STXBP5L: variants seen among roughly 807,000 people sequenced by gnomAD.
The protein encoded by STXBP5L is syntaxin binding protein 5L, also known as syntaxin-binding protein 5-like.
A neutral mutation model predicts 144.5 loss-of-function variants in STXBP5L; 65 were observed. That is an observed-to-expected ratio of 0.45 (90% CI 0.37 to 0.55). The LOEUF (loss-of-function observed/expected upper bound fraction) is 0.55, where lower values mean the gene tolerates loss of function less well. Ranked by LOEUF, STXBP5L falls within the 20% of genes least tolerant of loss-of-function variation. The pLI is 0.00. For synonymous variants in STXBP5L, 505 were observed against 469.6 expected (o/e 1.08, Z -0.97); for missense variants, 1,298 against 1,405.5 (o/e 0.92, Z 1.22).
chr3:121,264,563 A>G (rs9850244), intron 18 of STXBP5L, among the ~76,000 whole-genome samples: 15,108 of 152,210 alleles, frequency 0.099, 1,184 homozygotes, highest in Admixed American at 0.2. Context: ...AGAAACTGCC[A>G]TCAACTAACA....
chr3:121,259,353 C>A (rs1291017531), intron 18 of STXBP5L, among the ~76,000 whole-genome samples, 185 bp downstream of exon 18: 1 of 151,954 alleles, frequency 6.6e-6, no homozygotes, highest in East Asian at 1.9e-4. Flanking sequence ...TGAAGTCAAA[C>A]CTGTGATAGT....
At chr3:121,276,184 T>TTGTG (rs2050879941) in intron 18 of STXBP5L, among the ~76,000 whole-genome samples, 2 of 151,726 alleles carry the variant, frequency 1.3e-5, no homozygotes, top group Non-Finnish European at 3.0e-5. Context: ...TTTTAGTTTT[T>TTGTG]TGTTCTCAGG....
intron 3 of STXBP5L, among the ~76,000 whole-genome samples, chr3:121,000,203 A>T (rs1943660044): frequency 6.6e-6 from 1 of 152,194 alleles, no homozygotes; most frequent in Non-Finnish European, 1.5e-5. Flanking sequence ...TCAAATATGT[A>T]TTACAAGTTG....
At chr3:121,384,422 C>G (rs74931129) in intron 22 of STXBP5L, among the ~76,000 whole-genome samples, 2 of 151,804 alleles carry the variant, frequency 1.3e-5, no homozygotes, top group African/African-American at 2.4e-5. Flanking sequence ...TCAGCATTTT[C>G]GAAGACCAAA....
chr3:121,411,334 T>A (rs181463783), intron 23 of STXBP5L, among the ~76,000 whole-genome samples: 33 of 152,184 alleles, frequency 2.2e-4, no homozygotes, highest in African/African-American at 7.9e-4. Context: ...ACCACTTTGA[T>A]AAAGGAAATC....
intron 5 of STXBP5L, among the ~76,000 whole-genome samples, chr3:121,089,181 A>G (rs1275476299): frequency 6.8e-6 from 1 of 146,512 alleles, no homozygotes; most frequent in African/African-American, 2.5e-5. Context: ...TAGTACATTT[A>G]TTATATTTTT....
At chr3:121,363,382 A>G (rs1272153170) in intron 20 of STXBP5L, among the ~76,000 whole-genome samples, 1 of 152,188 alleles carries the variant, frequency 6.6e-6, no homozygotes, top group African/African-American at 2.4e-5. Flanking sequence ...GGAGACACAG[A>G]GAGCTGTAGC....
chr3:120,965,480 A>G (rs906588356), intron 3 of STXBP5L, among the ~76,000 whole-genome samples: 7 of 152,152 alleles, frequency 4.6e-5, no homozygotes, highest in Admixed American at 3.9e-4. Context: ...TGGTGTGACA[A>G]AATTTCTGAG....
intron 3 of STXBP5L, among the ~76,000 whole-genome samples, chr3:121,031,952 A>G (rs1946400276): frequency 6.6e-6 from 1 of 152,158 alleles, no homozygotes; most frequent in South Asian, 2.1e-4. Context: ...CAGAAAAAGC[A>G]AAGCAGGATT....
At chr3:120,992,000 A>G (rs1221560917) in intron 3 of STXBP5L, among the ~76,000 whole-genome samples, 3 of 150,650 alleles carry the variant, frequency 2.0e-5, no homozygotes, top group Non-Finnish European at 2.9e-5. Context: ...TTTTAAAAAA[A>G]TTAATATTTA....
At chr3:121,330,599 G>C (rs550449946) in intron 20 of STXBP5L, among the ~76,000 whole-genome samples, 3 of 152,086 alleles carry the variant, frequency 2.0e-5, no homozygotes, top group East Asian at 1.9e-4. Flanking sequence ...TACCTCCCCT[G>C]GGTAACTAAC....
At chr3:121,388,308 G>A (rs2046481476) in intron 22 of STXBP5L, among the ~76,000 whole-genome samples, 1 of 152,152 alleles carries the variant, frequency 6.6e-6, no homozygotes, top group South Asian at 2.1e-4. Flanking sequence ...CTGAGACGAT[G>A]GGGTTTTCTA....
intron 19 of STXBP5L, among the ~76,000 whole-genome samples, chr3:121,295,074 G>A (rs576360638): frequency 6.6e-6 from 1 of 152,236 alleles, no homozygotes; most frequent in Non-Finnish European, 1.5e-5. Context: ...CTGGATTGGA[G>A]TAAGATGTTA....
At chr3:121,248,382 C>A (rs986504439) in intron 14 of STXBP5L, among the ~76,000 whole-genome samples, 11 of 152,140 alleles carry the variant, frequency 7.2e-5, no homozygotes, top group Admixed American at 1.3e-4. Context: ...ATTTTCATTT[C>A]TCTAATGATT....
At chr3:121,364,536 T>C (rs1313076129) in intron 20 of STXBP5L, among the ~76,000 whole-genome samples, 1 of 152,040 alleles carries the variant, frequency 6.6e-6, no homozygotes, top group East Asian at 1.9e-4. Flanking sequence ...TAGATCACTT[T>C]GGTTTATATT....
At chr3:121,016,353 A>T (rs1055827981) in intron 3 of STXBP5L, among the ~76,000 whole-genome samples, 1 of 152,226 alleles carries the variant, frequency 6.6e-6, no homozygotes. Flanking sequence ...TAGAGATTAG[A>T]CAAAATGTAT....
intron 3 of STXBP5L, among the ~76,000 whole-genome samples, chr3:121,019,143 G>A (rs1576677415): frequency 6.6e-6 from 1 of 152,108 alleles, no homozygotes; most frequent in Non-Finnish European, 1.5e-5. Context: ...TGCAGCAGAG[G>A]CAGCCGTAAT....
intron 9 of STXBP5L, chr3:121,158,258 G>A (rs12330662): frequency 6.6e-6 from 1 of 152,002 alleles, no homozygotes; most frequent in Non-Finnish European, 1.5e-5. Flanking sequence ...TAAATTATTT[G>A]ATAATATTGG....
Position 121,076,899 on chromosome 3 carries a change from A to G in STXBP5L, c.470+31364A>G, listed in dbSNP as rs556629134. Among the ~76,000 whole-genome samples the G allele has an allele frequency of 5.9e-5, 9 of 152,100 alleles. No individual in the cohort carries two copies. In the East Asian group the frequency reaches 1.7e-3, roughly 29 times the overall value. Reference sequence around the variant, plus strand: ...TCCTATTACAGGAGGTTTTGATACTACTTAGCCCGGAGAGTGCCTTAATTC... The same window carrying G: ...TCCTATTACAGGAGGTTTTGATACTGCTTAGCCCGGAGAGTGCCTTAATTC... On this transcript the variant is annotated intron_variant, in intron 5 of 26. Coordinates refer to ENST00000471454, the MANE Select transcript of STXBP5L (RefSeq NM_001308330.2).
Sources: gnomAD v4.1 joint callset for allele counts (sites outside exome capture counted in the v4.1 genomes callset) on GRCh38, gnomAD v4.1.1 for gene constraint, MANE v1.5 for transcripts, NCBI Gene and HGNC (gene_info 2026-07-23, HGNC 2026-07-21) for gene names.